The following KLC1 variants were observed in gnomAD, a reference collection of about 807,000 sequenced individuals.
KLC1 encodes kinesin light chain 1, also known as kinesin 2 60/70kDa.
A neutral mutation model predicts 84.2 loss-of-function variants in KLC1; 30 were observed. The ratio of observed to expected loss-of-function variants is 0.36; its 90% CI spans 0.27 to 0.48. The LOEUF (loss-of-function observed/expected upper bound fraction) is 0.48, where lower values mean the gene tolerates loss of function less well. Among genes scored for constraint, KLC1 ranks in the 20% least tolerant of loss-of-function variants. KLC1 has a pLI of 0.99. For missense variants in KLC1, 499 were observed against 805.4 expected, an observed-to-expected ratio of 0.62 and a Z score of 4.60; for synonymous variants, 289 against 293.3, an observed-to-expected ratio of 0.99 and a Z score of 0.15.
intron 1 of KLC1, among the ~76,000 whole-genome samples, chr14:103,636,900 T>G (rs2077087060): frequency 6.6e-6 from 1 of 151,540 alleles, no homozygotes; most frequent in Non-Finnish European, 1.5e-5. Flanking sequence ...TTTTTTTTTT[T>G]GTTGTATTTT....
rs1426048603 is a variant in KLC1 at position 103,662,807 on chromosome 14, A to G, written c.677A>G (p.Gln226Arg). The G allele has an allele frequency of 1.9e-6, 3 of 1,612,624 alleles. No individual in the cohort carries two copies. The highest frequency in any genetic ancestry group is 1.7e-6 in the Non-Finnish European group (2 of 1,179,868). ...AACCTGGTGATCCAGTACGCCTCGC[A>G]GGGGCGCTACGAGGTAGCTGTGCCC... ...LHNLVIQYAS[Q>R]GRYEVAVPLC... The change falls in exon 5 of 17, where the codon CAG (glutamine) becomes CGG (arginine). Residue 226 changes from glutamine to arginine, a missense_variant. This residue lies in a region of KLC1 where 153 missense variants were observed against 332.4 expected (regional missense o/e 0.46). Transcript: ENST00000334553.
intron 15 of KLC1, chr14:103,697,620 A>G (rs1479183738): frequency 6.6e-6 from 1 of 152,250 alleles, no homozygotes; most frequent in African/African-American, 2.4e-5. Flanking sequence ...CTGGAACTGC[A>G]TCCATTGAAC....
intron 1 of KLC1, among the ~76,000 whole-genome samples, chr14:103,630,795 A>C (rs1030087336): frequency 6.6e-6 from 1 of 152,188 alleles, no homozygotes; most frequent in African/African-American, 2.4e-5. Context: ...TCTGTGTGGG[A>C]GGGTAGGCAC....
At chr14:103,701,074 C>A in intron 16 of KLC1, 127 bp from the exon 17 acceptor site, 1 of 1,205,862 alleles carries the variant, frequency 8.3e-7, no homozygotes, top group Non-Finnish European at 1.2e-6. Flanking sequence ...AGGCTCACAA[C>A]CAGCAACACC....
intron 1 of KLC1, among the ~76,000 whole-genome samples, chr14:103,641,403 G>A (rs1395241435): frequency 6.6e-6 from 1 of 152,038 alleles, no homozygotes; most frequent in Non-Finnish European, 1.5e-5. Context: ...TTGCGAGGCT[G>A]TAACAAAGTA....
intron 3 of KLC1, among the ~76,000 whole-genome samples, chr14:103,660,925 A>C (rs765655821): frequency 2.6e-5 from 4 of 152,240 alleles, no homozygotes; most frequent in Non-Finnish European, 5.9e-5. Context: ...GATGTTGAGA[A>C]GAAGAAAACT....
intron 3 of KLC1, among the ~76,000 whole-genome samples, chr14:103,660,633 T>C (rs993349632): frequency 2.0e-5 from 3 of 150,780 alleles, no homozygotes; most frequent in Admixed American, 1.3e-4. Flanking sequence ...TATTAAAAAA[T>C]ACAAAAAAAT....
chr14:103,672,848 G>C (rs1355483937), intron 7 of KLC1, among the ~76,000 whole-genome samples, 166 bp from the exon 8 acceptor site: 2 of 152,144 alleles, frequency 1.3e-5, no homozygotes, highest in Non-Finnish European at 2.9e-5. Context: ...GAGAAATTCT[G>C]GTTATTTTAT....
At chr14:103,655,122 A>G (rs1339809567) in intron 2 of KLC1, among the ~76,000 whole-genome samples, 2 of 151,990 alleles carry the variant, frequency 1.3e-5, no homozygotes, top group East Asian at 3.9e-4. Flanking sequence ...GCTACTAGGC[A>G]GGCTTGAGGC....
intron 13 of KLC1, 118 bp from the exon 14 acceptor site, chr14:103,686,963 C>A: frequency 1.7e-6 from 1 of 582,986 alleles, no homozygotes; most frequent in Non-Finnish European, 3.0e-6. Context: ...ACTCTGTCAG[C>A]AGTGAGCTGC....
chr14:103,685,533 A>C, intron 13 of KLC1: 1 of 1,286,868 alleles, frequency 7.8e-7, no homozygotes, highest in Admixed American at 2.3e-5. Flanking sequence ...AAGGCTGCTG[A>C]GACTTGTGAC....
intron 4 of KLC1, 86 bp from the exon 5 acceptor site, chr14:103,662,616 A>C: frequency 1.8e-6 from 2 of 1,134,034 alleles, no homozygotes; most frequent in Non-Finnish European, 2.5e-6. Context: ...ACTTGAACCA[A>C]AGTTAGTAAA....
intron 13 of KLC1, chr14:103,685,164 C>T: frequency 6.9e-7 from 1 of 1,459,694 alleles, no homozygotes. Context: ...GGATTATCAA[C>T]TGCATGTTTA....
intron 3 of KLC1, among the ~76,000 whole-genome samples, chr14:103,660,451 A>G (rs911470287): frequency 6.7e-6 from 1 of 149,468 alleles, no homozygotes; most frequent in African/African-American, 2.5e-5. Flanking sequence ...ACCGCACTCC[A>G]GTCTAGATGA....
chr14:103,649,632 T>G (rs2078243924), intron 1 of KLC1, among the ~76,000 whole-genome samples: 1 of 150,084 alleles, frequency 6.7e-6, no homozygotes, highest in African/African-American at 2.4e-5. Context: ...TTTAGTAGAC[T>G]GTAATAGCTT....
intron 15 of KLC1, chr14:103,696,091 C>CGGGGGGGGGGGGGGGGGGGGGGGGGG: frequency 1.3e-6 from 1 of 744,682 alleles, no homozygotes; most frequent in Non-Finnish European, 1.5e-6. Context: ...ATAATCACTG[C>CGGGGGGGGGGGGGGGGGGGGGGGGGG]GCCCCCGCCC....
chr14:103,695,135 G>GTAA, intron 15 of KLC1: 1 of 977,166 alleles, frequency 1.0e-6, no homozygotes, highest in East Asian at 1.2e-4. Context: ...ATAGTGGATG[G>GTAA]GATTAAAAGA....
At chr14:103,631,320 T>A (rs1595182108) in intron 1 of KLC1, among the ~76,000 whole-genome samples, 1 of 152,148 alleles carries the variant, frequency 6.6e-6, no homozygotes. Flanking sequence ...GACCTCGTGA[T>A]CCGCCCACCT....
chr14:103,686,856 G>GT (rs2081808490), intron 13 of KLC1: 1 of 209,856 alleles, frequency 4.8e-6, no homozygotes, highest in African/African-American at 2.3e-5. Context: ...ATGTCCAAAG[G>GT]TTTTCATGAT....
Sources: allele counts gnomAD v4.1 joint callset (sites outside exome capture counted in the v4.1 genomes callset), GRCh38; gene constraint gnomAD v4.1.1; regional missense constraint gnomAD v4.1.1; transcripts MANE v1.5; gene names NCBI Gene and HGNC (gene_info 2026-07-23, HGNC 2026-07-21).